Variants in RAB10 observed in about 807,000 individuals in gnomAD.
RAB10 encodes the protein ras-related protein Rab-10.
Under a neutral mutation model 25.7 loss-of-function variants are expected in RAB10, and 5 were observed. The observed-to-expected ratio is 0.19, with a 90% CI of 0.10 to 0.41. RAB10 has a LOEUF of 0.41. RAB10 is among the 10% of genes least tolerant of loss of function. The pLI is 1.00. For synonymous variants in RAB10, 89 were observed against 86.4 expected, an observed-to-expected ratio of 1.03 and a Z score of -0.16; for missense variants, 103 against 245.8, an observed-to-expected ratio of 0.42 and a Z score of 3.89.
chr2:26,062,434 T>G (rs1459633867), intron 1 of RAB10, among the ~76,000 whole-genome samples: 1 of 152,086 alleles, frequency 6.6e-6, no homozygotes, highest in African/African-American at 2.4e-5. Context: ...TCCCAGCACT[T>G]TGGGAGACTG....
At chr2:26,033,286 C>A (rs1210831971), upstream of RAB10, among the ~76,000 whole-genome samples, 1 of 152,172 alleles carries the variant, frequency 6.6e-6, no homozygotes, top group Non-Finnish European at 1.5e-5. Context: ...TCCCGGATTC[C>A]TGAAGGACGG....
At chr2:26,134,163 T>C (rs1668007530) in intron 5 of RAB10, among the ~76,000 whole-genome samples, 1 of 152,162 alleles carries the variant, frequency 6.6e-6, no homozygotes, top group East Asian at 1.9e-4. Context: ...TTGCACAGGC[T>C]GGAGTGCAGT....
At chr2:26,053,143 G>T (rs1666171230) in intron 1 of RAB10, among the ~76,000 whole-genome samples, 1 of 152,178 alleles carries the variant, frequency 6.6e-6, no homozygotes, top group Non-Finnish European at 1.5e-5. Flanking sequence ...GGTAATTTTT[G>T]ACTTCAAATG....
At chr2:26,056,194 CTTT>C (rs1252587053) in intron 1 of RAB10, among the ~76,000 whole-genome samples, 1 of 151,618 alleles carries the variant, frequency 6.6e-6, no homozygotes, top group Non-Finnish European at 1.5e-5. Flanking sequence ...TCTGGCCTTT[CTTT>C]TTCTCTTTTT....
intron 3 of RAB10, among the ~76,000 whole-genome samples, chr2:26,124,389 C>CTTTTTTTTTTT (rs10669615): frequency 0.021 from 416 of 19,672 alleles, 172 homozygotes; most frequent in East Asian, 0.082. Context: ...GTTGTTGTTG[C>CTTTTTTTTTTT]TTTTTTTTTT....
At chr2:26,098,109 C>CTTTTTT (rs57174956) in intron 1 of RAB10, among the ~76,000 whole-genome samples, 32 of 52,724 alleles carry the variant, frequency 6.1e-4, no homozygotes, top group African/African-American at 1.8e-3. Context: ...TTCTTTCTTT[C>CTTTTTT]TTTTTTTTTT....
chr2:26,136,969 T>C lies in RAB10; in HGVS notation c.*1948T>C, dbSNP rs2149292420. ...GAAAAGTTTAGGTTAAACCTACTGTTGTTAGATTAATGTATTTGTTGCTTC... is the reference window on the plus strand; with the variant it reads ...GAAAAGTTTAGGTTAAACCTACTGTCGTTAGATTAATGTATTTGTTGCTTC... On this transcript the variant is annotated 3_prime_UTR_variant, in exon 6 of 6. Transcript: ENST00000264710. The C allele has an allele frequency of 6.5e-6, 1 of 152,792 alleles. No individual in the cohort carries two copies. Among genetic ancestry groups the C allele is most frequent in the East Asian group, 1.9e-4 (1 of 5,194 alleles). The allele number at this position is 152,792 out of a possible 1,614,324, so 9.5% of individuals were successfully genotyped here. A position where few individuals can be genotyped will look rare whatever the true frequency, so the allele number is the denominator to read the frequency against.
chr2:26,133,712 C>T (rs1340225010), intron 5 of RAB10, among the ~76,000 whole-genome samples: 3 of 151,892 alleles, frequency 2.0e-5, no homozygotes, highest in African/African-American at 4.8e-5. Flanking sequence ...CTCACTCCGT[C>T]GCCCAGGCTG....
At chr2:26,120,220 A>T (rs1217399656) in intron 3 of RAB10, among the ~76,000 whole-genome samples, 2 of 152,118 alleles carry the variant, frequency 1.3e-5, no homozygotes, top group Admixed American at 6.5e-5. Flanking sequence ...AGTGTTTAGG[A>T]TGTGGGTAGA....
At chr2:26,035,582 A>G (rs1022052245) in intron 1 of RAB10, among the ~76,000 whole-genome samples, 1 of 152,186 alleles carries the variant, frequency 6.6e-6, no homozygotes, top group African/African-American at 2.4e-5. Context: ...AGGCTCTAGG[A>G]AAGTCCCTTT....
Position 26,034,656 on chromosome 2 carries a change from G to T in RAB10, c.48G>T (p.Gly16=). Reference sequence around the variant, plus strand: ...TGCTTTTCAAGCTGCTCCTGATCGGGGATTCCGGAGTGGGGAAGACCTGCG... The same window carrying T: ...TGCTTTTCAAGCTGCTCCTGATCGGTGATTCCGGAGTGGGGAAGACCTGCG... ...YDLLFKLLLI[G]DSGVGKTCVL... The change falls in exon 1 of 6, where the codon GGG becomes GGT. Residue 16 remains glycine (G), a synonymous_variant. Coordinates refer to ENST00000264710, the MANE Select transcript of RAB10 (RefSeq NM_016131.5). 6.2e-7 allele frequency: 1 copy of T among 1,614,210 alleles called. No individual in the cohort carries two copies.
At chr2:26,040,531 TC>T (rs1305984767) in intron 1 of RAB10, among the ~76,000 whole-genome samples, 1 of 152,014 alleles carries the variant, frequency 6.6e-6, no homozygotes, top group Non-Finnish European at 1.5e-5. Flanking sequence ...GGTGGCATGT[TC>T]CTGTAGTTCT....
intron 3 of RAB10, among the ~76,000 whole-genome samples, chr2:26,116,950 ATGTGCCAC>A (rs541221079): frequency 9.5e-4 from 144 of 151,830 alleles, no homozygotes; most frequent in African/African-American, 3.3e-3. Flanking sequence ...GACTTCAGGC[ATGTGCCAC>A]TGTGCCACTC....
At chr2:26,084,268 A>G (rs538895147) in intron 1 of RAB10, among the ~76,000 whole-genome samples, 20 of 152,290 alleles carry the variant, frequency 1.3e-4, no homozygotes, top group Admixed American at 3.9e-4. Context: ...TATTATTACT[A>G]ACATCAGAGA....
At chr2:26,062,668 ACT>A (rs1666427979) in intron 1 of RAB10, among the ~76,000 whole-genome samples, 2 of 142,280 alleles carry the variant, frequency 1.4e-5, no homozygotes, top group South Asian at 2.3e-4. Context: ...ATAGAGCGAG[ACT>A]CTGTCTCAAA....
At chr2:26,060,048 G>T (rs1666362919) in intron 1 of RAB10, among the ~76,000 whole-genome samples, 1 of 152,168 alleles carries the variant, frequency 6.6e-6, no homozygotes, top group African/African-American at 2.4e-5. Flanking sequence ...AGAATTGGAG[G>T]TAGAGGCAGA....
chr2:26,097,657 A>G (rs1667252216), intron 1 of RAB10, among the ~76,000 whole-genome samples: 1 of 152,188 alleles, frequency 6.6e-6, no homozygotes, highest in African/African-American at 2.4e-5. Flanking sequence ...TCTGCACTTG[A>G]AAATGGTATG....
At chr2:26,044,631 C>T (rs562581481) in intron 1 of RAB10, among the ~76,000 whole-genome samples, 3 of 152,038 alleles carry the variant, frequency 2.0e-5, no homozygotes, top group South Asian at 4.2e-4. Flanking sequence ...CTGCAACCTC[C>T]ACCTCCCGGG....
intron 3 of RAB10, among the ~76,000 whole-genome samples, chr2:26,111,560 C>G (rs544541614): frequency 2.7e-5 from 4 of 149,596 alleles, no homozygotes; most frequent in Non-Finnish European, 5.9e-5. Flanking sequence ...GCTGAGATCA[C>G]GCACCATTGT....
Sources: gnomAD v4.1 joint callset for allele counts (sites outside exome capture counted in the v4.1 genomes callset) on GRCh38, gnomAD v4.1.1 for gene constraint, MANE v1.5 for transcripts, NCBI Gene and HGNC (gene_info 2026-07-23, HGNC 2026-07-21) for gene names.